NUP210L: variants seen among roughly 807,000 people sequenced by gnomAD.
NUP210L encodes nuclear pore membrane glycoprotein 210-like.
Under a neutral mutation model 208.5 loss-of-function variants are expected in NUP210L, and 74 were observed. The observed-to-expected ratio is 0.35, with a 90% CI of 0.29 to 0.43. The LOEUF (loss-of-function observed/expected upper bound fraction) is 0.43, where lower values mean the gene tolerates loss of function less well. Among genes scored for constraint, NUP210L ranks in the 20% least tolerant of loss-of-function variants. The pLI is 1.00. For missense variants in NUP210L, 1,843 were observed against 2,289.4 expected (o/e 0.81, Z 3.98); for synonymous variants, 780 against 816.9 (o/e 0.95, Z 0.77).
intron 29 of NUP210L, 118 bp from the exon 30 acceptor site, chr1:154,025,834 C>T (rs1454137635): frequency 4.0e-6 from 3 of 746,488 alleles, no homozygotes; most frequent in Non-Finnish European, 6.6e-6. Flanking sequence ...GCTTGCCATT[C>T]TCCACGTGTG....
At chr1:154,000,870 T>C (rs1029134090) in exon 37 of NUP210L, 53 of 1,613,876 alleles carry the variant, frequency 3.3e-5, no homozygotes, top group Admixed American at 8.3e-5. Context: ...ACCCAACTTA[T>C]CTTTCATAGC....
Position 154,120,391 on chromosome 1 carries a change from A to G in NUP210L, c.1327-1583T>C, listed in dbSNP as rs376587627. On this transcript the variant is annotated intron_variant, in intron 10 of 39. Transcript: ENST00000368559. Reference sequence around the variant, plus strand: ...CTATCACAAGGACAAAAAACCAAACACCGTATGCTCTCACTCATAGGTGGG... The same window carrying G: ...CTATCACAAGGACAAAAAACCAAACGCCGTATGCTCTCACTCATAGGTGGG... Among the ~76,000 whole-genome samples the G allele has an allele frequency of 7.2e-5, 11 of 152,160 alleles. No individual in the cohort carries two copies. The East Asian group carries it at 2.1e-3, about 29-fold the overall frequency.
intron 35 of NUP210L, among the ~76,000 whole-genome samples, chr1:154,004,994 C>G (rs1170727523): frequency 6.6e-6 from 1 of 150,858 alleles, no homozygotes; most frequent in Non-Finnish European, 1.5e-5. Flanking sequence ...GCTGGGATTA[C>G]AGGTGTGTGC....
At chr1:154,099,779 C>T (rs1656369131) in intron 14 of NUP210L, among the ~76,000 whole-genome samples, 2 of 152,180 alleles carry the variant, frequency 1.3e-5, no homozygotes, top group South Asian at 2.1e-4. Context: ...TCTGATACAA[C>T]TTAAAGATAT....
intron 27 of NUP210L, among the ~76,000 whole-genome samples, chr1:154,034,006 C>G (rs1267143705): frequency 1.3e-5 from 2 of 152,252 alleles, no homozygotes; most frequent in East Asian, 1.9e-4. Flanking sequence ...TCACTGCAAC[C>G]TCTGCCTCCT....
chr1:154,062,468 A>T (rs1485746888), intron 17 of NUP210L, among the ~76,000 whole-genome samples: 1 of 151,854 alleles, frequency 6.6e-6, no homozygotes, highest in Non-Finnish European at 1.5e-5. Flanking sequence ...CTTGTATTTG[A>T]AGGCTTCCAT....
At chr1:153,992,978 CTG>C (rs745602683) in intron 39 of NUP210L, 35 bp downstream of exon 39, 6 of 1,609,428 alleles carry the variant, frequency 3.7e-6, no homozygotes, top group African/African-American at 1.3e-5. Context: ...ACGTGTGTAT[CTG>C]AGCTTTTCAA....
intron 2 of NUP210L, among the ~76,000 whole-genome samples, chr1:154,150,314 C>A (rs557165693): frequency 6.6e-6 from 1 of 152,154 alleles, no homozygotes; most frequent in South Asian, 2.1e-4. Flanking sequence ...GCAGAGGTTG[C>A]GGTGAGTGGA....
intron 37 of NUP210L, 150 bp downstream of exon 37, chr1:154,000,706 G>A: frequency 1.5e-6 from 1 of 672,668 alleles, no homozygotes; most frequent in Non-Finnish European, 2.6e-6. Flanking sequence ...AATTTAAACT[G>A]TTTATTTCAG....
At chr1:154,153,427 A>G (rs1008011139) in intron 1 of NUP210L, among the ~76,000 whole-genome samples, 3 of 152,176 alleles carry the variant, frequency 2.0e-5, no homozygotes, top group Non-Finnish European at 4.4e-5. Context: ...CTCCTGCCTC[A>G]GCCTCTCGAG....
At chr1:154,052,115 A>C (rs534836918) in intron 25 of NUP210L, among the ~76,000 whole-genome samples, 14 of 152,382 alleles carry the variant, frequency 9.2e-5, no homozygotes, top group African/African-American at 2.6e-4. Flanking sequence ...TGCTATCAGC[A>C]GCTGAACAGC....
intron 2 of NUP210L, among the ~76,000 whole-genome samples, chr1:154,145,391 C>T (rs775971284): frequency 2.0e-5 from 3 of 151,572 alleles, no homozygotes; most frequent in Non-Finnish European, 4.4e-5. Context: ...GCACTCCAGC[C>T]TGGGTGACAG....
intron 28 of NUP210L, among the ~76,000 whole-genome samples, 181 bp from the exon 29 acceptor site, chr1:154,027,778 C>T (rs1651983459): frequency 6.6e-6 from 1 of 152,094 alleles, no homozygotes; most frequent in African/African-American, 2.4e-5. Context: ...CAAAATGAAC[C>T]AGGCACTCAA....
chr1:154,073,329 C>A (rs1356110716), intron 16 of NUP210L, among the ~76,000 whole-genome samples: 6 of 151,880 alleles, frequency 4.0e-5, no homozygotes, highest in Non-Finnish European at 8.8e-5. Flanking sequence ...CCTCCCACCT[C>A]GGCCTCCCAA....
At chr1:154,025,128 C>T (rs1274713994) in intron 30 of NUP210L, among the ~76,000 whole-genome samples, 1 of 150,704 alleles carries the variant, frequency 6.6e-6, no homozygotes, top group Non-Finnish European at 1.5e-5. Context: ...AGGGGTTTCA[C>T]CGTGTTAGCC....
At chr1:154,068,052 A>G (rs1654506004) in intron 17 of NUP210L, among the ~76,000 whole-genome samples, 2 of 152,204 alleles carry the variant, frequency 1.3e-5, no homozygotes, top group Non-Finnish European at 2.9e-5. Context: ...TGCCATCCCC[A>G]TCAAGCTACC....
intron 34 of NUP210L, among the ~76,000 whole-genome samples, chr1:154,011,679 GTTTTTTTTTTTTT>G (rs34653809): frequency 5.2e-4 from 41 of 78,434 alleles, no homozygotes; most frequent in African/African-American, 6.3e-4. Flanking sequence ...ATTATCTTAA[GTTTTTTTTTTTTT>G]TTTTTTTTTT....
chr1:154,105,974 A>G lies in NUP210L; in HGVS notation c.1621-1764T>C, dbSNP rs555800233. Among the ~76,000 whole-genome samples, 10 of 152,168 alleles carry G rather than the reference A, an allele frequency of 6.6e-5. No individual in the cohort carries two copies. The East Asian group carries it at 1.9e-3, about 29-fold the overall frequency. On this transcript the variant is annotated intron_variant, in intron 12 of 39. Coordinates refer to ENST00000368559, the Ensembl canonical transcript of NUP210L. ...TGAACAAAGGAGAGTCAAGAACGAG[A>G]AGGGGGCTGGGTGCGGTGGCTTACA...
At position 154,118,653 on chromosome 1, in the gene NUP210L, C is replaced by G. The variant is rs1190471669; in HGVS notation, c.1464+18G>C. 5 of 1,478,926 alleles carry G rather than the reference C, an allele frequency of 3.4e-6. No homozygotes were observed. Among genetic ancestry groups the G allele is most frequent in the Non-Finnish European group, 4.5e-6 (5 of 1,105,970 alleles). 91.6% of individuals were successfully genotyped at this position (1,478,926 alleles called of 1,614,324 possible). A position where few individuals can be genotyped will look rare whatever the true frequency, so the allele number is the denominator to read the frequency against. On this transcript the variant is annotated intron_variant, in intron 11 of 39. Transcript: ENST00000368559. ...GAAACCGGCTTATCTCCTTGTGAAG[C>G]CTTATAGGACACCATACCTGTACTT...
Sources: gnomAD v4.1 joint callset for allele counts (sites outside exome capture counted in the v4.1 genomes callset) on GRCh38, gnomAD v4.1.1 for gene constraint, MANE v1.5 for transcripts, NCBI Gene and HGNC (gene_info 2026-07-23, HGNC 2026-07-21) for gene names.